The following VWA5A variants were observed in gnomAD, a reference collection of about 807,000 sequenced individuals.
VWA5A encodes the protein von Willebrand factor A domain-containing protein 5A.
A neutral mutation model predicts 84.6 loss-of-function variants in VWA5A; 77 were observed. That is an observed-to-expected ratio of 0.91 (90% CI 0.76 to 1.10). The LOEUF (loss-of-function observed/expected upper bound fraction) is 1.10, where lower values mean the gene tolerates loss of function less well. Among genes scored for constraint, VWA5A ranks in the 50% least tolerant of loss-of-function variants. The pLI is 0.00. For missense variants in VWA5A, 973 were observed against 963.0 expected, an observed-to-expected ratio of 1.01 and a Z score of -0.14; for synonymous variants, 334 against 350.1, an observed-to-expected ratio of 0.95 and a Z score of 0.51.
At position 124,145,374 on chromosome 11, in the gene VWA5A, A is replaced by G. The variant is rs1401852671; in HGVS notation, c.2281+11A>G. 2 of 1,607,462 alleles carry G rather than the reference A, an allele frequency of 1.2e-6. No homozygotes were observed. Among genetic ancestry groups the G allele is most frequent in the Admixed American group, 1.7e-5 (1 of 59,604 alleles). ...TGCGTGCCCATGCAGGTAGGAGCAC[A>G]ATCCTAAGGCCTGTCTCCTTCCCCT... On this transcript the variant is annotated intron_variant, in intron 18 of 18. Transcript: ENST00000456829.
chr11:124,116,398 C>G (rs1864830415), intron 1 of VWA5A, 168 bp from the exon 2 acceptor site: 1 of 152,310 alleles, frequency 6.6e-6, no homozygotes, highest in African/African-American at 2.4e-5. Context: ...GAAGCGAAGG[C>G]TATTTCCTTG....
intron 11 of VWA5A, among the ~76,000 whole-genome samples, chr11:124,127,703 C>T (rs1190243891): frequency 1.3e-5 from 2 of 152,172 alleles, no homozygotes; most frequent in Non-Finnish European, 2.9e-5. Context: ...TTAATGATCA[C>T]CATTTTAACT....
intron 11 of VWA5A, among the ~76,000 whole-genome samples, chr11:124,131,133 G>A (rs890680243): frequency 6.6e-6 from 1 of 151,558 alleles, no homozygotes; most frequent in Non-Finnish European, 1.5e-5. Context: ...TGAAACTGTG[G>A]ATACTATACC....
At chr11:124,116,839 CA>C (rs1311314227) in intron 2 of VWA5A, among the ~76,000 whole-genome samples, 159 bp downstream of exon 2, 3 of 152,096 alleles carry the variant, frequency 2.0e-5, no homozygotes, top group African/African-American at 7.2e-5. Flanking sequence ...TGGATGGATA[CA>C]AACAAATATA....
chr11:124,129,149 T>C (rs544102419), intron 11 of VWA5A, among the ~76,000 whole-genome samples: 13 of 152,302 alleles, frequency 8.5e-5, no homozygotes, highest in African/African-American at 2.9e-4. Flanking sequence ...TTTTGAGATA[T>C]GTTCCATCAA....
At chr11:124,132,294 A>G (rs534041814) in intron 11 of VWA5A, among the ~76,000 whole-genome samples, 2 of 152,010 alleles carry the variant, frequency 1.3e-5, no homozygotes, top group Admixed American at 6.6e-5. Flanking sequence ...AAATATTGAC[A>G]TATATTGTCT....
chr11:124,126,689 G>A (rs1240158713), intron 11 of VWA5A, among the ~76,000 whole-genome samples: 2 of 151,336 alleles, frequency 1.3e-5, no homozygotes, highest in Non-Finnish European at 2.9e-5. Context: ...AACCCAGGAG[G>A]CAGAGGTTGC....
In VWA5A at chr11:124,141,754, A is replaced by G. The variant is rs988282670; in HGVS notation, c.2023+13A>G. Reference sequence around the variant, plus strand: ...CAGCACAGTCCAGGTGAGTACCTTTATAGGAACATTTTCTCAACAATGTTT... The same window carrying G: ...CAGCACAGTCCAGGTGAGTACCTTTGTAGGAACATTTTCTCAACAATGTTT... On this transcript the variant is annotated intron_variant, in intron 16 of 18. Coordinates refer to ENST00000456829, the MANE Select transcript of VWA5A (RefSeq NM_001130142.2). 6.2e-7 allele frequency: 1 copy of G among 1,611,734 alleles called. No individual in the cohort carries two copies. Among genetic ancestry groups the G allele is most frequent in the African/African-American group, 1.3e-5 (1 of 74,806 alleles).
intron 15 of VWA5A, among the ~76,000 whole-genome samples, chr11:124,140,735 T>A (rs1415435246): frequency 6.6e-6 from 1 of 152,166 alleles, no homozygotes; most frequent in African/African-American, 2.4e-5. Context: ...TCTAGGCACA[T>A]GTCACCGTGC....
At chr11:124,128,073 A>T (rs933639868) in intron 11 of VWA5A, among the ~76,000 whole-genome samples, 4 of 152,154 alleles carry the variant, frequency 2.6e-5, no homozygotes, top group African/African-American at 9.7e-5. Context: ...TGTTTTAGTC[A>T]TGAAGTATTT....
chr11:124,141,091 A>G (rs536178659), intron 15 of VWA5A, among the ~76,000 whole-genome samples: 3 of 152,330 alleles, frequency 2.0e-5, no homozygotes, highest in South Asian at 2.1e-4. Flanking sequence ...GTGGAAGTCT[A>G]TGGTCTAGTT....
intron 11 of VWA5A, among the ~76,000 whole-genome samples, chr11:124,132,474 T>A (rs1375259895): frequency 2.6e-5 from 4 of 152,104 alleles, no homozygotes; most frequent in Admixed American, 2.6e-4. Flanking sequence ...TTTGAACTAT[T>A]CATATTTTAT....
intron 15 of VWA5A, among the ~76,000 whole-genome samples, chr11:124,139,011 A>G (rs1860674216): frequency 6.6e-6 from 1 of 152,160 alleles, no homozygotes; most frequent in African/African-American, 2.4e-5. Context: ...AGTTTTCCCA[A>G]TGCCATTTAT....
chr11:124,145,193 G>A lies in VWA5A; in HGVS notation c.2155-44G>A, dbSNP rs1207924934. 3 of 1,571,578 alleles carry A rather than the reference G, an allele frequency of 1.9e-6. No homozygotes were observed. In the Admixed American group the frequency reaches 5.4e-5, roughly 28 times the overall value. On this transcript the variant is annotated intron_variant, in intron 17 of 18. Transcript: ENST00000456829. Reference sequence around the variant, plus strand: ...GGAGTGAAGCTTTTTGCATCCTTTTGAGGGACTTCCTGTGCCAACTGGAGC... The same window carrying A: ...GGAGTGAAGCTTTTTGCATCCTTTTAAGGGACTTCCTGTGCCAACTGGAGC...
At chr11:124,139,075 T>C (rs1860675665) in intron 15 of VWA5A, among the ~76,000 whole-genome samples, 1 of 152,212 alleles carries the variant, frequency 6.6e-6, no homozygotes, top group African/African-American at 2.4e-5. Flanking sequence ...CAAAAATTAG[T>C]TGGCTGTAAA....
chr11:124,128,385 T>TA (rs1865049907), intron 11 of VWA5A, among the ~76,000 whole-genome samples: 2 of 152,234 alleles, frequency 1.3e-5, no homozygotes, highest in Non-Finnish European at 2.9e-5. Context: ...TCTGTTTTGG[T>TA]ACCAGTACCA....
At chr11:124,134,425 A>G (rs1052632916) in intron 11 of VWA5A, among the ~76,000 whole-genome samples, 1 of 152,240 alleles carries the variant, frequency 6.6e-6, no homozygotes, top group East Asian at 1.9e-4. Flanking sequence ...TACTTGGTGC[A>G]CATGGACTAA....
rs901299845 is a variant in VWA5A at position 124,145,787 on chromosome 11, A to G, written c.2282-79A>G. On this transcript the variant is annotated intron_variant, in intron 18 of 18. Transcript: ENST00000456829. ...TTGAGGACAGATAAAAGCACAACTC[A>G]GGGTAGATGATCTGGGAGGTTTGGA... is the stretch of plus-strand genomic sequence containing the variant. 1.4e-5 allele frequency: 20 copies of G among 1,404,956 alleles called. No individual in the cohort carries two copies. The African/African-American group carries it at 2.9e-4, about 20-fold the overall frequency. The allele number at this position is 1,404,956 out of a possible 1,614,324, so 87.0% of individuals were successfully genotyped here.
At chr11:124,142,216 G>A (rs12417061) in intron 16 of VWA5A, among the ~76,000 whole-genome samples, 5,927 of 152,072 alleles carry the variant, frequency 0.039, 259 homozygotes, top group African/African-American at 0.11. Context: ...GGCTGCCCTC[G>A]CCCCCCAGCA....
Sources: gnomAD v4.1 joint callset for allele counts (sites outside exome capture counted in the v4.1 genomes callset) on GRCh38, gnomAD v4.1.1 for gene constraint, MANE v1.5 for transcripts, NCBI Gene and HGNC (gene_info 2026-07-23, HGNC 2026-07-21) for gene names.